ZAN: variants seen among roughly 807,000 people sequenced by gnomAD.
ZAN encodes the protein zonadhesin (gene/pseudogene).
In ZAN, 260 loss-of-function variants were observed where a neutral mutation model predicts 286.2. That is an observed-to-expected ratio of 0.91 (90% CI 0.82 to 1.01). The LOEUF is 1.01. Ranked by LOEUF, ZAN falls within the 50% of genes least tolerant of loss-of-function variation. ZAN has a pLI of 0.00. For synonymous variants in ZAN, 1,368 were observed against 1,417.5 expected (o/e 0.97, Z 0.79); for missense variants, 3,410 against 3,639.2 (o/e 0.94, Z 1.62).
intron 15 of ZAN, among the ~76,000 whole-genome samples, 170 bp downstream of exon 15, chr7:100,755,580 CT>C (rs534225866): frequency 2.7e-5 from 4 of 150,942 alleles, no homozygotes; most frequent in African/African-American, 9.8e-5. Context: ...TCAATCTTTT[CT>C]TTTTTTTTGA....
At chr7:100,737,111 G>T in intron 5 of ZAN, 31 bp downstream of exon 5, 1 of 1,476,898 alleles carries the variant, frequency 6.8e-7, no homozygotes, top group East Asian at 2.4e-5. Flanking sequence ...TGGGACCTCG[G>T]GGGGGAGTCT....
intron 37 of ZAN, among the ~76,000 whole-genome samples, chr7:100,787,267 A>C (rs1410436249): frequency 2.0e-5 from 3 of 151,494 alleles, no homozygotes; most frequent in Non-Finnish European, 4.4e-5. Flanking sequence ...TTTCTAAAAA[A>C]AAAAGAAAAA....
intron 29 of ZAN, among the ~76,000 whole-genome samples, chr7:100,772,298 G>A (rs1249295018): frequency 6.6e-6 from 1 of 150,726 alleles, no homozygotes; most frequent in Non-Finnish European, 1.5e-5. Context: ...CAGGTGTGGT[G>A]GCAAGCACCT....
In ZAN at chr7:100,759,799, C is replaced by T; in HGVS notation, c.3650C>T (p.Thr1217Ile). 6.2e-7 allele frequency: 1 copy of T among 1,610,060 alleles called. No homozygotes were observed. The highest frequency in any genetic ancestry group is 8.5e-7 in the Non-Finnish European group (1 of 1,178,472). The change falls in exon 18 of 48, where the codon ACC becomes ATC. Residue 1217 changes from threonine to isoleucine, a missense_variant. Around this residue, in one of 7 missense-constraint regions of ZAN, gnomAD observed 1,042 missense variants for 1,058.0 expected, o/e 0.98. Transcript: ENST00000613979. ...TCCTGCCTGAGCAAAGTCTACGTGA[C>T]CCTGCCCGAGAGCACCGTCACCCTG... is the stretch of plus-strand genomic sequence containing the variant. ...GVSCLSKVYV[T>I]LPESTVTLLK...
intron 40 of ZAN, 69 bp downstream of exon 40, chr7:100,791,182 C>G: frequency 6.5e-7 from 1 of 1,537,466 alleles, no homozygotes; most frequent in East Asian, 2.4e-5. Flanking sequence ...GCCGCTAGCC[C>G]TCCTGTCCTC....
Position 100,737,259 on chromosome 7 carries a change from C to T in ZAN, c.526-3C>T. The T allele has an allele frequency of 6.8e-7, 1 of 1,478,580 alleles. No homozygotes were observed. The highest frequency in any genetic ancestry group is 9.2e-7 in the Non-Finnish European group (1 of 1,082,378). The allele number at this position is 1,478,580 out of a possible 1,614,324, so 91.6% of individuals were successfully genotyped here. On this transcript the variant is annotated splice_polypyrimidine_tract_variant and splice_region_variant and intron_variant, in intron 5 of 47. Coordinates refer to ENST00000613979, the MANE Select transcript of ZAN (RefSeq NM_003386.3). ...GGGTTGGGGTCCCCTTATCCTCTTG[C>T]AGCTGATGTTTGAGGGAACACGGGG...
rs1809743396 is a variant in ZAN, at chr7:100,763,707, G to A, written c.3987-99G>A. On this transcript the variant is annotated intron_variant, in intron 20 of 47. Coordinates refer to ENST00000613979, the MANE Select transcript of ZAN (RefSeq NM_003386.3). The surrounding 1 kb of genome is among the most constrained non-coding windows in gnomAD (Gnocchi z 4.6). ...GAGGGGTTTCCCAGCTGACAGGCTG[G>A]TTTGCCGGTCCCGGCCTGCCAGCCT... The A allele has an allele frequency of 4.0e-6, 5 of 1,252,444 alleles. No individual in the cohort carries two copies. The highest frequency in any genetic ancestry group is 5.8e-6 in the Non-Finnish European group (5 of 859,412). 77.6% of individuals were successfully genotyped at this position (1,252,444 alleles called of 1,614,324 possible).
chr7:100,773,315 G>T lies in ZAN; in HGVS notation c.5456G>T (p.Ser1819Ile). The T allele has an allele frequency of 6.2e-7, 1 of 1,613,788 alleles. No homozygotes were observed. Among genetic ancestry groups the T allele is most frequent in the Non-Finnish European group, 8.5e-7 (1 of 1,179,902 alleles). ...AGGTGCCCACCTGGCAGCAGCTACA[G>T]CCCCTGCAGCAGCCCCTGCCCAGAC... ...PMRCPPGSSY[S>I]PCSSPCPDTC... The change falls in exon 30 of 48, where the codon AGC (serine) becomes ATC (isoleucine). Residue 1819 changes from serine (S) to isoleucine (I), a missense_variant. Physicochemically the swap from Ser to Ile is moderately radical, Grantham distance 142. Coordinates refer to ENST00000613979, the MANE Select transcript of ZAN (RefSeq NM_003386.3).
intron 12 of ZAN, 83 bp from the exon 13 acceptor site, chr7:100,751,099 A>T: frequency 7.4e-7 from 1 of 1,355,534 alleles, no homozygotes; most frequent in Non-Finnish European, 1.0e-6. Context: ...GGCAGAGAAC[A>T]GATTCTATGC....
chr7:100,748,926 C>G (rs899806565), intron 11 of ZAN, among the ~76,000 whole-genome samples: 1 of 151,940 alleles, frequency 6.6e-6, no homozygotes, highest in Non-Finnish European at 1.5e-5. Context: ...GTCCCACCTA[C>G]TTGCGAGGCT....
Position 100,758,191 on chromosome 7 carries a change from C to G in ZAN, c.3310-11C>G. On this transcript the variant is annotated splice_polypyrimidine_tract_variant and intron_variant, in intron 15 of 47. Transcript: ENST00000613979. ...TATATGACTGTGTGACCTCACATCCCTTTCTCCCAGCCTGGGGCAGAGTGG... is the reference window on the plus strand; with the variant it reads ...TATATGACTGTGTGACCTCACATCCGTTTCTCCCAGCCTGGGGCAGAGTGG... The G allele has an allele frequency of 6.2e-7, 1 of 1,608,848 alleles. No individual in the cohort carries two copies. Among genetic ancestry groups the G allele is most frequent in the Non-Finnish European group, 8.5e-7 (1 of 1,177,102 alleles).
chr7:100,784,814 GC>G lies in ZAN; in HGVS notation c.6817del (p.His2273MetfsTer81). The G allele has an allele frequency of 6.2e-7, 1 of 1,602,712 alleles. No homozygotes were observed. Among genetic ancestry groups the G allele is most frequent in the Non-Finnish European group, 8.5e-7 (1 of 1,172,584 alleles). ...CAGAAGTCAGTGTGGCTGCAAGGAT[GC>G]CCATGGTGGCTCCATCCCTGTGAGT... is the stretch of plus-strand genomic sequence containing the variant. ...VPRSQCGCKD[A>X]HGGSIPLGKS... On this transcript the variant is annotated frameshift_variant, in exon 36 of 48. Transcript: ENST00000613979. LOFTEE classifies it high-confidence loss of function.
In ZAN at chr7:100,762,972, G is replaced by GT. The variant is rs541919899; in HGVS notation, c.3986+631dup. Among the ~76,000 whole-genome samples, 1,145 of 134,826 alleles carry GT rather than the reference G, an allele frequency of 8.5e-3. 5 individuals carry two copies. Among genetic ancestry groups the GT allele is most frequent in the East Asian group, 0.044 (200 of 4,516 alleles). 88.5% of individuals were successfully genotyped at this position (134,826 alleles called of 152,430 possible). On this transcript the variant is annotated intron_variant, in intron 20 of 47. Transcript: ENST00000613979. The stretch of plus-strand genomic sequence containing the variant: ...ACCAGGCTGCTGGCCCTCCCCAACG[G>GT]TTTTTTTTTTTTTTTTTGAGATGGA...
rs1160073816 is a variant in ZAN, at chr7:100,738,554, A to G, written c.707A>G (p.Lys236Arg). 2.0e-6 allele frequency: 3 copies of G among 1,515,510 alleles called. 1 individual carries two copies. The highest frequency in any genetic ancestry group is 2.7e-6 in the Non-Finnish European group (3 of 1,103,726). 93.9% of individuals were successfully genotyped at this position (1,515,510 alleles called of 1,614,324 possible). ...PTASGAKWTQ[K>R]KGSSGKPGVG... ...GCCTCCGGGGCCAAGTGGACTCAGA[A>G]GAAAGGGTCATCAGGAAAGCCAGGC... is the stretch of plus-strand genomic sequence containing the variant. The change falls in exon 7 of 48, where the codon AAG (lysine) becomes AGG (arginine). Residue 236 changes from lysine (K) to arginine (R), a missense_variant. This residue lies in a region of ZAN where 872 missense variants were observed against 938.9 expected (regional missense o/e 0.93). Coordinates refer to ENST00000613979, the MANE Select transcript of ZAN (RefSeq NM_003386.3).
chr7:100,784,967 G>C (rs1311716186), intron 36 of ZAN, 133 bp downstream of exon 36: 1 of 1,037,838 alleles, frequency 9.6e-7, no homozygotes, highest in Non-Finnish European at 1.4e-6. Flanking sequence ...TGGTGTGAGT[G>C]GCACATTGAT....
chr7:100,777,509 C>A (rs1810903588), intron 34 of ZAN, among the ~76,000 whole-genome samples: 1 of 152,024 alleles, frequency 6.6e-6, no homozygotes, highest in African/African-American at 2.4e-5. Context: ...TGCACACCAC[C>A]ACGCCCCACG....
At position 100,755,343 on chromosome 7, in the gene ZAN, T is replaced by C. The variant is rs1180170193; in HGVS notation, c.3242T>C (p.Leu1081Ser). The C allele has an allele frequency of 6.2e-7, 1 of 1,613,882 alleles. No homozygotes were observed. Among genetic ancestry groups the C allele is most frequent in the Admixed American group, 1.7e-5 (1 of 59,998 alleles). ...GGCTGTGTCTGCAACCCTGGCTTTT[T>C]GTTTAGTGACAACCACTGCATCCAG... ...REGCVCNPGFLFSDNHCIQAS... is the reference protein window; with the variant it reads ...REGCVCNPGFSFSDNHCIQAS... Residue 1081 changes from leucine (L) to serine (S), a missense_variant, in exon 15 of 48, where the codon TTG (leucine) becomes TCG (serine). Transcript: ENST00000613979.
Position 100,794,210 on chromosome 7 carries a change from G to T in ZAN, c.8077G>T (p.Ala2693Ser), listed in dbSNP as rs772165499. 1 of 1,613,778 alleles carries T rather than the reference G, an allele frequency of 6.2e-7. No homozygotes were observed. Among genetic ancestry groups the T allele is most frequent in the Non-Finnish European group, 8.5e-7 (1 of 1,179,774 alleles). Residue 2693 changes from alanine (A) to serine (S), a missense_variant, in exon 44 of 48, where the codon GCG (alanine) becomes TCG (serine). Ala to Ser is a moderately conservative substitution (Grantham distance 99). Around this residue, in one of 7 missense-constraint regions of ZAN, gnomAD observed 1,289 missense variants for 1,314.3 expected, o/e 0.98. Coordinates refer to ENST00000613979, the MANE Select transcript of ZAN (RefSeq NM_003386.3). ...GCTGTGTGAGCCCTTCAGCTGCAGA[G>T]CGGGGGAGGTCTGCACCCTGGGGAA... ...ILLCEPFSCR[A>S]GEVCTLGNHT...
chr7:100,757,341 T>C (rs1809218705), intron 15 of ZAN, among the ~76,000 whole-genome samples: 1 of 152,146 alleles, frequency 6.6e-6, no homozygotes, highest in Non-Finnish European at 1.5e-5. Flanking sequence ...GAATAGGCTG[T>C]GGTCCTTGCC....
Sources: gnomAD v4.1 joint callset for allele counts (sites outside exome capture counted in the v4.1 genomes callset) on GRCh38, gnomAD v4.1.1 for gene constraint, gnomAD v4.1.1 regional missense constraint, Gnocchi (gnomAD v3.1) non-coding constraint, MANE v1.5 for transcripts, NCBI Gene and HGNC (gene_info 2026-07-23, HGNC 2026-07-21) for gene names.